RTL9: variants seen among roughly 807,000 people sequenced by gnomAD.
The protein encoded by RTL9 is retrotransposon Gag like 9.
In RTL9, 19 loss-of-function variants were observed where a neutral mutation model predicts 44.7. That is an observed-to-expected ratio of 0.42 (90% CI 0.30 to 0.62). The LOEUF (loss-of-function observed/expected upper bound fraction) is 0.62, where lower values mean the gene tolerates loss of function less well. Ranked by LOEUF, RTL9 falls within the 20% of genes least tolerant of loss-of-function variation. The probability of loss-of-function intolerance (pLI) is 0.16; values close to 1 mark genes in which losing one functional copy is unlikely to be tolerated. For missense variants in RTL9, 1,105 were observed against 1,080.6 expected (o/e 1.02, Z -0.32); for synonymous variants, 407 against 398.9 (o/e 1.02, Z -0.24).
In RTL9 at chrX:110,362,714, C is replaced by A. The variant is rs571783163; in HGVS notation, c.-168+3798C>A. On this transcript the variant is annotated intron_variant, in intron 1 of 2. Coordinates refer to the RTL9 transcript ENST00000520821. The stretch of plus-strand genomic sequence containing the variant: ...TCTTACTGACTGTTCTTTCATACTT[C>A]CTTGGATCTCTTACAGGCACTAAAG... Among the ~76,000 whole-genome samples, 15 of 111,816 alleles carry A rather than the reference C, an allele frequency of 1.3e-4. No individual in the cohort carries two copies. The South Asian group carries it at 5.6e-3, about 42-fold the overall frequency.
chrX:110,414,359 G>A (rs1017641541), upstream of RTL9, among the ~76,000 whole-genome samples: 4 of 112,380 alleles, frequency 3.6e-5, no homozygotes, highest in African/African-American at 1.3e-4. Flanking sequence ...GTCTGCTTTG[G>A]CCACTTCCAT....
At chrX:110,431,323 C>CTGTGTG (rs759432836) in intron 1 of RTL9, among the ~76,000 whole-genome samples, 7,380 of 94,845 alleles carry the variant, frequency 0.078, 843 homozygotes, top group African/African-American at 0.28. Flanking sequence ...GAGGGGAAGG[C>CTGTGTG]TGTGTGTGTG....
Position 110,453,733 on chromosome X carries a change from C to T in RTL9, c.3116C>T (p.Ser1039Leu), listed in dbSNP as rs367666669. The T allele has an allele frequency of 4.4e-5, 53 of 1,209,541 alleles. 1 individual carries two copies. In the African/African-American group the frequency reaches 8.6e-4, roughly 20 times the overall value. ...TTTATGAGAGCCTCAGTTTCTGGAT[C>T]GATGCCCATGCCACTACCAAGAGCC... Residue 1039 changes from serine to leucine, a missense_variant, in exon 1 of 2, where the codon TCG becomes TTG. Physicochemically the swap from Ser to Leu is moderately radical, Grantham distance 145. Coordinates refer to ENST00000540313, the Ensembl canonical transcript of RTL9.
chrX:110,402,565 T>C (rs1346395122), intron 1 of RTL9, among the ~76,000 whole-genome samples: 2 of 112,509 alleles, frequency 1.8e-5, no homozygotes, highest in Non-Finnish European at 3.8e-5. Flanking sequence ...CCATTTTGCC[T>C]AGGGGCGAGC....
At chrX:110,456,050 G>A (rs141798821) in exon 2 of RTL9, 1,397 of 111,726 alleles carry the variant, frequency 0.013, 12 homozygotes, top group Non-Finnish European at 0.018. Context: ...TCCCTCAGTG[G>A]GGGTTCTCTA....
intron 1 of RTL9, among the ~76,000 whole-genome samples, chrX:110,371,864 A>T (rs943219724): frequency 1.8e-5 from 2 of 111,030 alleles, no homozygotes; most frequent in African/African-American, 6.5e-5. Context: ...GTGCTTCACC[A>T]TCCTTTTTGC....
At chrX:110,415,959 A>G (rs773589601), upstream of RTL9, among the ~76,000 whole-genome samples, 8 of 109,531 alleles carry the variant, frequency 7.3e-5, no homozygotes, top group South Asian at 3.3e-3. Flanking sequence ...TTACTGCTGC[A>G]AGACTTCCAA....
At chrX:110,379,837 A>AT (rs939341733) in intron 1 of RTL9, among the ~76,000 whole-genome samples, 2 of 112,360 alleles carry the variant, frequency 1.8e-5, no homozygotes, top group African/African-American at 6.5e-5. Flanking sequence ...TCCCCTAAAT[A>AT]TATCAATTTA....
At chrX:110,434,440 G>A (rs1396469448) in intron 1 of RTL9, among the ~76,000 whole-genome samples, 3 of 111,623 alleles carry the variant, frequency 2.7e-5, no homozygotes, top group Admixed American at 9.5e-5. Context: ...GGCAAGAAGT[G>A]GAACAGGCTC....
At chrX:110,415,913 A>C (rs1285396852), upstream of RTL9, among the ~76,000 whole-genome samples, 1 of 110,232 alleles carries the variant, frequency 9.1e-6, no homozygotes, top group Non-Finnish European at 1.9e-5. Flanking sequence ...TAAAATGTTT[A>C]GGAATTTCAT....
intron 1 of RTL9, among the ~76,000 whole-genome samples, chrX:110,434,389 A>G (rs2068820374): frequency 8.9e-6 from 1 of 111,747 alleles, no homozygotes; most frequent in African/African-American, 3.3e-5. Context: ...AAGAGAGGCC[A>G]GCTGCATGCG....
intron 1 of RTL9, among the ~76,000 whole-genome samples, chrX:110,430,897 T>C (rs1023453265): frequency 7.1e-5 from 8 of 112,213 alleles, no homozygotes; most frequent in Admixed American, 1.9e-4. Flanking sequence ...TGTTAAAAAC[T>C]AAAAATCCCT....
At chrX:110,360,070 G>A (rs768571277) in intron 1 of RTL9, among the ~76,000 whole-genome samples, 1 of 111,906 alleles carries the variant, frequency 8.9e-6, no homozygotes, top group Non-Finnish European at 1.9e-5. Context: ...CTAGAGGCAA[G>A]CATTCTAGGA....
rs1556214261 is a variant in RTL9 at position 110,442,247 on chromosome X, C to CTCTG, written c.-167-2905_-167-2904insCTGT. Reference sequence around the variant, plus strand: ...TCTCTCTCTCTCTCTCTCTCTCTCTCTGTGTGTGTGTGTGTGTGTGTGTGT... The same window carrying CTCTG: ...TCTCTCTCTCTCTCTCTCTCTCTCTCTCTGTGTGTGTGTGTGTGTGTGTGTGTGT... On this transcript the variant is annotated intron_variant, in intron 1 of 3. Coordinates refer to the RTL9 transcript ENST00000465301. Among the ~76,000 whole-genome samples the CTCTG allele has an allele frequency of 6.2e-4, 60 of 97,044 alleles. No individual in the cohort carries two copies. The East Asian group carries it at 7.2e-3, about 12-fold the overall frequency. The allele number at this position is 97,044 out of a possible 115,157, so 84.3% of individuals were successfully genotyped here. A position where few individuals can be genotyped will look rare whatever the true frequency, so the allele number is the denominator to read the frequency against.
chrX:110,420,335 A>C (rs1328239470), intron 1 of RTL9, among the ~76,000 whole-genome samples: 1 of 112,339 alleles, frequency 8.9e-6, no homozygotes, highest in Non-Finnish European at 1.9e-5. Context: ...TTGAATGAGC[A>C]AATGAGTGAG....
rs1487384831 is a variant in RTL9, at chrX:110,454,105, C to T, written c.3488C>T (p.Ser1163Phe). 5 of 1,210,460 alleles carry T rather than the reference C, an allele frequency of 4.1e-6. No homozygotes were observed. The highest frequency in any genetic ancestry group is 4.5e-6 in the Non-Finnish European group (4 of 895,369). ...CAGGAAGCAGCCCGGGGCTCATGCT[C>T]TGTGGAGGAAGAGATGGAGATTGAT... Residue 1163 changes from serine to phenylalanine, a missense_variant, in exon 1 of 2, where the codon TCT (serine) becomes TTT (phenylalanine). Coordinates refer to ENST00000540313, the Ensembl canonical transcript of RTL9.
At chrX:110,422,124 G>A (rs1250181179) in intron 1 of RTL9, among the ~76,000 whole-genome samples, 2 of 112,991 alleles carry the variant, frequency 1.8e-5, no homozygotes, top group Non-Finnish European at 3.7e-5. Context: ...CATAGTGCCT[G>A]GCACAGAGTA....
intron 1 of RTL9, among the ~76,000 whole-genome samples, chrX:110,398,700 A>G (rs1458641616): frequency 8.9e-6 from 1 of 112,171 alleles, no homozygotes; most frequent in African/African-American, 3.2e-5. Context: ...CCGACTCATT[A>G]TATTGGAAGT....
chrX:110,443,108 C>T (rs192735004), intron 1 of RTL9, among the ~76,000 whole-genome samples: 31 of 111,995 alleles, frequency 2.8e-4, no homozygotes, highest in African/African-American at 1.0e-3. Flanking sequence ...ATTCTTTACA[C>T]GTTGTTTTGT....
Sources: gnomAD v4.1 joint callset for allele counts (sites outside exome capture counted in the v4.1 genomes callset) on GRCh38, gnomAD v4.1.1 for gene constraint, MANE v1.5 for transcripts, NCBI Gene and HGNC (gene_info 2026-07-23, HGNC 2026-07-21) for gene names.